PALS1: variants seen among roughly 807,000 people sequenced by gnomAD.
PALS1 encodes protein PALS1.
PALS1 carries 31 observed loss-of-function variants against 78.9 expected under a neutral mutation model. The observed-to-expected ratio is 0.39, with a 90% CI of 0.30 to 0.53. The LOEUF (loss-of-function observed/expected upper bound fraction) is 0.53. PALS1 is among the 20% of genes least tolerant of loss of function. The pLI is 0.67. For synonymous variants in PALS1, 276 were observed against 270.9 expected (o/e 1.02, Z -0.18); for missense variants, 704 against 826.5 (o/e 0.85, Z 1.82).
chr14:67,299,523 T>C (rs527972500), intron 4 of PALS1, among the ~76,000 whole-genome samples: 54 of 152,120 alleles, frequency 3.5e-4, no homozygotes, highest in Non-Finnish European at 6.8e-4. Context: ...CAAGGAAAAG[T>C]GGTATAGCTA....
chr14:67,301,226 C>T (rs1201337312), intron 4 of PALS1, among the ~76,000 whole-genome samples, 163 bp from the exon 5 acceptor site: 2 of 151,758 alleles, frequency 1.3e-5, no homozygotes, highest in Non-Finnish European at 2.9e-5. Context: ...TTGTTTTATC[C>T]ATAATAACAA....
intron 1 of PALS1, 181 bp downstream of exon 1, chr14:67,241,714 G>T (rs1259350601): frequency 1.3e-5 from 2 of 152,490 alleles, no homozygotes; most frequent in African/African-American, 2.4e-5. Context: ...TGCGGCCGTG[G>T]AGGGTGTGAG....
chr14:67,312,676 C>G lies in PALS1; in HGVS notation c.1191C>G (p.Asp397Glu), dbSNP rs761960631. Residue 397 changes from aspartate (D) to glutamate (E), a missense_variant, in exon 9 of 15, where the codon GAC (aspartate) becomes GAG (glutamate). Physicochemically the swap from Asp to Glu is conservative, Grantham distance 45. Coordinates refer to ENST00000261681, the MANE Select transcript of PALS1 (RefSeq NM_022474.4). ...GGTGGCAGGCCTACAGGGAAGGGGA[C>G]GAAGATAATCAACCTCTAGCCGGGC... is the stretch of plus-strand genomic sequence containing the variant. ...PNWWQAYREG[D>E]EDNQPLAGLV... 1.2e-5 allele frequency: 20 copies of G among 1,610,592 alleles called. No individual in the cohort carries two copies. Among genetic ancestry groups the G allele is most frequent in the Middle Eastern group, 1.6e-4 (1 of 6,078 alleles).
chr14:67,313,975 T>TA (rs541234501), intron 9 of PALS1, among the ~76,000 whole-genome samples: 7,567 of 143,678 alleles, frequency 0.053, 218 homozygotes, highest in East Asian at 0.062. Context: ...AAACAAAAAT[T>TA]AAAAAAAAAA....
chr14:67,296,204 AGGAAAAG>A (rs2084846011), intron 4 of PALS1, among the ~76,000 whole-genome samples: 1 of 152,186 alleles, frequency 6.6e-6, no homozygotes, highest in African/African-American at 2.4e-5. Context: ...CGTAAGAAAG[AGGAAAAG>A]GCATTCCATG....
In PALS1 at chr14:67,333,025, CA is replaced by C. The variant is rs1449495659; in HGVS notation, c.*70del. ...AACTGCCAATAGGAGGACTGCCCGACACTGCAGCAAGATTGAGGATAAGATG... is the reference window on the plus strand; with the variant it reads ...AACTGCCAATAGGAGGACTGCCCGACCTGCAGCAAGATTGAGGATAAGATG... On this transcript the variant is annotated 3_prime_UTR_variant, in exon 15 of 15. Transcript: ENST00000261681. 63 of 1,358,718 alleles carry C rather than the reference CA, an allele frequency of 4.6e-5. No homozygotes were observed. The African/African-American group carries it at 8.8e-4, about 19-fold the overall frequency. 84.2% of individuals were successfully genotyped at this position (1,358,718 alleles called of 1,614,324 possible). A position where few individuals can be genotyped will look rare whatever the true frequency, so the allele number is the denominator to read the frequency against.
intron 2 of PALS1, among the ~76,000 whole-genome samples, chr14:67,275,305 G>A (rs1457918972): frequency 1.3e-5 from 2 of 152,130 alleles, no homozygotes; most frequent in African/African-American, 2.4e-5. Flanking sequence ...TCAATACCTA[G>A]TTTATTGAGA....
In PALS1 at chr14:67,279,554, G is replaced by T. The variant is rs2084571551; in HGVS notation, c.367+17G>T. On this transcript the variant is annotated intron_variant, in intron 3 of 14. Transcript: ENST00000261681. ...AAATATTAGGTAAGTAAAAATAGAG[G>T]TATAACAGAAAACATTTTGCTTTAA... 6.6e-7 allele frequency: 1 copy of T among 1,507,132 alleles called. No homozygotes were observed. The highest frequency in any genetic ancestry group is 8.8e-7 in the Non-Finnish European group (1 of 1,130,262). 93.4% of individuals were successfully genotyped at this position (1,507,132 alleles called of 1,614,324 possible).
rs1271759153 is a variant in PALS1, at chr14:67,334,808, C to CACTT, written c.*1858_*1861dup. On this transcript the variant is annotated 3_prime_UTR_variant, in exon 15 of 15. Transcript: ENST00000261681. ...ATTAAAAACTAAGGAATATACTTAG[C>CACTT]ACTTACTTAATCTTTTCAGTTTTCC... 2.0e-5 allele frequency: 3 copies of CACTT among 152,246 alleles called. No individual in the cohort carries two copies. The highest frequency in any genetic ancestry group is 2.9e-5 in the Non-Finnish European group (2 of 68,048). The allele number at this position is 152,246 out of a possible 1,614,324, so 9.4% of individuals were successfully genotyped here.
chr14:67,269,337 T>G (rs992482199), intron 1 of PALS1, among the ~76,000 whole-genome samples: 2 of 151,686 alleles, frequency 1.3e-5, no homozygotes, highest in African/African-American at 4.8e-5. Context: ...GTACAAGTTT[T>G]TGTGTGTGTG....
intron 13 of PALS1, among the ~76,000 whole-genome samples, chr14:67,322,385 G>C (rs1456213637): frequency 2.6e-5 from 4 of 152,008 alleles, no homozygotes; most frequent in Admixed American, 2.6e-4. Flanking sequence ...TAGAAACTTG[G>C]AGTTTTTAAG....
At chr14:67,281,630 T>C (rs1312881056) in intron 3 of PALS1, among the ~76,000 whole-genome samples, 1 of 152,172 alleles carries the variant, frequency 6.6e-6, no homozygotes, top group Non-Finnish European at 1.5e-5. Flanking sequence ...GATTAAAGTA[T>C]TTGTCCATTT....
At chr14:67,249,568 G>A (rs945271805) in intron 1 of PALS1, among the ~76,000 whole-genome samples, 3 of 152,168 alleles carry the variant, frequency 2.0e-5, no homozygotes, top group Non-Finnish European at 4.4e-5. Context: ...AGGAGAGTCA[G>A]GTTTTTACAG....
At chr14:67,321,390 T>A (rs2085262935) in intron 13 of PALS1, 131 bp downstream of exon 13, 6 of 814,676 alleles carry the variant, frequency 7.4e-6, no homozygotes, top group Non-Finnish European at 1.2e-5. Context: ...TCCCACTGAT[T>A]TGCTATCTGA....
chr14:67,331,775 C>A (rs2085453449), intron 14 of PALS1, among the ~76,000 whole-genome samples: 1 of 152,118 alleles, frequency 6.6e-6, no homozygotes. Context: ...AGTTTCAGTT[C>A]TCTGTGGAGT....
chr14:67,319,305 C>A (rs2085227390), intron 11 of PALS1, among the ~76,000 whole-genome samples: 1 of 152,086 alleles, frequency 6.6e-6, no homozygotes, highest in African/African-American at 2.4e-5. Flanking sequence ...ACTTGGCAGG[C>A]TACTAGTTAT....
At chr14:67,325,776 A>C (rs1245910818) in intron 14 of PALS1, among the ~76,000 whole-genome samples, 1 of 151,860 alleles carries the variant, frequency 6.6e-6, no homozygotes, top group Non-Finnish European at 1.5e-5. Context: ...ATGAAGGGCC[A>C]TAGACCATTC....
At chr14:67,317,919 T>G (rs1159827973) in intron 11 of PALS1, among the ~76,000 whole-genome samples, 3 of 152,212 alleles carry the variant, frequency 2.0e-5, no homozygotes, top group Non-Finnish European at 4.4e-5. Context: ...AAGTTGTAGC[T>G]TCTCTTAAAA....
At chr14:67,313,376 C>T (rs2085122070) in intron 9 of PALS1, among the ~76,000 whole-genome samples, 1 of 152,108 alleles carries the variant, frequency 6.6e-6, no homozygotes, top group South Asian at 2.1e-4. Context: ...TTACACAAAC[C>T]TAGATGATAT....
Sources: allele counts gnomAD v4.1 joint callset (sites outside exome capture counted in the v4.1 genomes callset), GRCh38; gene constraint gnomAD v4.1.1; transcripts MANE v1.5; gene names NCBI Gene and HGNC (gene_info 2026-07-23, HGNC 2026-07-21).